Variants in LARP1 observed in about 807,000 individuals in gnomAD.
LARP1 encodes the protein La ribonucleoprotein 1, translational regulator.
Under a neutral mutation model 122.7 loss-of-function variants are expected in LARP1, and 36 were observed. The observed-to-expected ratio is 0.29, with a 90% CI of 0.22 to 0.39. The LOEUF is 0.39. Ranked by LOEUF, LARP1 falls within the 10% of genes least tolerant of loss-of-function variation. The pLI, the probability that LARP1 is intolerant of heterozygous loss-of-function variation, is 1.00. For missense variants in LARP1, 1,040 were observed against 1,403.6 expected (o/e 0.74, Z 4.14); for synonymous variants, 539 against 528.7 (o/e 1.02, Z -0.27).
rs1196467486 is a variant in LARP1, at chr5:154,803,429, C to T, written c.2233+16C>T. 2 of 1,614,188 alleles carry T rather than the reference C, an allele frequency of 1.2e-6. No homozygotes were observed. The highest frequency in any genetic ancestry group is 4.5e-5 in the East Asian group (2 of 44,880). ...TTCCAGCAAGGTGAGAAGCAGACAC[C>T]TGAGATCCTGACATGGGTGAGAGGA... On this transcript the variant is annotated intron_variant, in intron 12 of 18. Coordinates refer to ENST00000518297, the MANE Select transcript of LARP1 (RefSeq NM_033551.3). The surrounding 1 kb of genome is among the most constrained non-coding windows in gnomAD (Gnocchi z 4.4).
rs1753787890 is a variant in LARP1 at position 154,755,551 on chromosome 5, C to A, written c.-207C>A. 2 of 987,372 alleles carry A rather than the reference C, an allele frequency of 2.0e-6. No homozygotes were observed. Among genetic ancestry groups the A allele is most frequent in the South Asian group, 4.7e-5 (1 of 21,386 alleles). The allele number at this position is 987,372 out of a possible 1,614,324, so 61.2% of individuals were successfully genotyped here. ...ACTGCAGAGTGGGGGGCCTTCCTCCCCCCCCGCCCCGCTAGTGGGCCTCGG... is the reference window on the plus strand; with the variant it reads ...ACTGCAGAGTGGGGGGCCTTCCTCCACCCCCGCCCCGCTAGTGGGCCTCGG... On this transcript the variant is annotated 5_prime_UTR_variant, in exon 1 of 19. Transcript: ENST00000518297.
intron 1 of LARP1, among the ~76,000 whole-genome samples, chr5:154,718,955 T>TGTGGC (rs1755686624): frequency 6.6e-6 from 1 of 152,184 alleles, no homozygotes; most frequent in Non-Finnish European, 1.5e-5. Flanking sequence ...CCCAAAGTCA[T>TGTGGC]GTGGCAAGGC....
At chr5:154,732,112 G>C (rs577033045) in intron 1 of LARP1, among the ~76,000 whole-genome samples, 3 of 151,068 alleles carry the variant, frequency 2.0e-5, no homozygotes, top group Admixed American at 6.6e-5. Context: ...GTTGCAGTGA[G>C]CCGAGATGGT....
intron 1 of LARP1, among the ~76,000 whole-genome samples, chr5:154,715,129 G>A (rs13168402): frequency 0.088 from 13,350 of 151,274 alleles, 745 homozygotes; most frequent in East Asian, 0.22. Flanking sequence ...GCAGTGAGCC[G>A]AGATCACGAC....
At chr5:154,726,685 A>T (rs1265249150) in intron 1 of LARP1, among the ~76,000 whole-genome samples, 1 of 152,240 alleles carries the variant, frequency 6.6e-6, no homozygotes, top group Non-Finnish European at 1.5e-5. Flanking sequence ...TTAGTAAACC[A>T]GAAAGCCAGT....
chr5:154,734,248 T>C (rs1024523541), intron 1 of LARP1, among the ~76,000 whole-genome samples: 4 of 151,948 alleles, frequency 2.6e-5, no homozygotes, highest in Non-Finnish European at 4.4e-5. Flanking sequence ...TTGCACTACA[T>C]AGGAAGTATT....
chr5:154,735,817 C>A (rs920636088), intron 1 of LARP1, among the ~76,000 whole-genome samples: 19 of 151,840 alleles, frequency 1.3e-4, no homozygotes, highest in African/African-American at 4.6e-4. Flanking sequence ...GTGATCTGCC[C>A]GCCTTGGCCT....
At chr5:154,722,519 C>T (rs1337040888) in intron 1 of LARP1, among the ~76,000 whole-genome samples, 1 of 152,118 alleles carries the variant, frequency 6.6e-6, no homozygotes, top group Non-Finnish European at 1.5e-5. Flanking sequence ...GCCGGTAGCA[C>T]ATGGAGAGGT....
At chr5:154,689,233 C>A (rs1754079854) in intron 1 of LARP1, among the ~76,000 whole-genome samples, 1 of 152,182 alleles carries the variant, frequency 6.6e-6, no homozygotes, top group South Asian at 2.1e-4. Flanking sequence ...GCGGGTGGAT[C>A]ATGAGGTCAG....
chr5:154,809,609 C>T (rs555104179), intron 16 of LARP1, among the ~76,000 whole-genome samples: 44 of 151,844 alleles, frequency 2.9e-4, no homozygotes, highest in African/African-American at 1.1e-3. Flanking sequence ...GCTCATTCTA[C>T]GTCTAACATG....
At chr5:154,735,190 C>T (rs1014549553) in intron 1 of LARP1, among the ~76,000 whole-genome samples, 3 of 152,188 alleles carry the variant, frequency 2.0e-5, no homozygotes, top group African/African-American at 7.2e-5. Context: ...CGTGGTGGCT[C>T]ATGCCTGTTA....
intron 1 of LARP1, among the ~76,000 whole-genome samples, chr5:154,717,037 G>A (rs1435825465): frequency 6.7e-6 from 1 of 148,256 alleles, no homozygotes; most frequent in African/African-American, 2.5e-5. Context: ...TCCAGCCTGG[G>A]TAAGAGAATG....
At chr5:154,688,995 C>T (rs1056595945) in intron 1 of LARP1, among the ~76,000 whole-genome samples, 6 of 152,112 alleles carry the variant, frequency 3.9e-5, no homozygotes, top group Non-Finnish European at 8.8e-5. Flanking sequence ...ATATTGACAC[C>T]ATTTTTCCAA....
At chr5:154,801,555 A>G (rs891973869) in intron 10 of LARP1, among the ~76,000 whole-genome samples, 1 of 152,156 alleles carries the variant, frequency 6.6e-6, no homozygotes, top group African/African-American at 2.4e-5. Context: ...ATCTGGTATT[A>G]CCAGATCCCC....
chr5:154,723,773 C>G (rs892348458), intron 1 of LARP1, among the ~76,000 whole-genome samples: 1 of 152,184 alleles, frequency 6.6e-6, no homozygotes, highest in Admixed American at 6.5e-5. Flanking sequence ...AATTGAAACC[C>G]AGGTCTGTCT....
rs1759520303 is a variant in LARP1, at chr5:154,814,282, C to G, written c.*186C>G. 1 of 567,816 alleles carries G rather than the reference C, an allele frequency of 1.8e-6. No individual in the cohort carries two copies. The highest frequency in any genetic ancestry group is 1.9e-5 in the African/African-American group (1 of 53,284). The allele number at this position is 567,816 out of a possible 1,614,324, so 35.2% of individuals were successfully genotyped here. On this transcript the variant is annotated 3_prime_UTR_variant, in exon 19 of 19. Coordinates refer to ENST00000518297, the MANE Select transcript of LARP1 (RefSeq NM_033551.3). ...CAGAGGTACCCCTGGGCAGGAGCCT[C>G]TACATCCCCTTCCCCCTCCTCTCTC...
At chr5:154,764,943 C>G (rs2113621666) in intron 1 of LARP1, among the ~76,000 whole-genome samples, 1 of 152,004 alleles carries the variant, frequency 6.6e-6, no homozygotes, top group African/African-American at 2.4e-5. Flanking sequence ...AAACCTATGT[C>G]CAGATCTAAA....
chr5:154,748,791 T>A (rs1753334809), intron 1 of LARP1, among the ~76,000 whole-genome samples: 1 of 152,218 alleles, frequency 6.6e-6, no homozygotes, highest in African/African-American at 2.4e-5. Context: ...AGAAGTTAAA[T>A]ATTTTCCTAA....
At chr5:154,690,749 G>A (rs1754157232) in intron 1 of LARP1, among the ~76,000 whole-genome samples, 1 of 95,922 alleles carries the variant, frequency 1.0e-5, no homozygotes, top group Admixed American at 9.6e-5. Context: ...CGCAGGTCTC[G>A]CTGGGATGAC....
Sources: gnomAD v4.1 joint callset for allele counts (sites outside exome capture counted in the v4.1 genomes callset) on GRCh38, gnomAD v4.1.1 for gene constraint, Gnocchi (gnomAD v3.1) non-coding constraint, MANE v1.5 for transcripts, NCBI Gene and HGNC (gene_info 2026-07-23, HGNC 2026-07-21) for gene names.